TMTC4: variants seen among roughly 807,000 people sequenced by gnomAD.
The protein encoded by TMTC4 is transmembrane O-mannosyltransferase targeting cadherins 4.
A neutral mutation model predicts 86.0 loss-of-function variants in TMTC4; 65 were observed. The observed-to-expected ratio is 0.76, with a 90% CI of 0.62 to 0.93. TMTC4 has a LOEUF of 0.93. Ranked by LOEUF, TMTC4 falls within the 40% of genes least tolerant of loss-of-function variation. The pLI is 0.00. For synonymous variants in TMTC4, 379 were observed against 382.5 expected, an observed-to-expected ratio of 0.99 and a Z score of 0.11; for missense variants, 866 against 948.1, an observed-to-expected ratio of 0.91 and a Z score of 1.14.
intron 6 of TMTC4, among the ~76,000 whole-genome samples, chr13:100,648,981 G>T (rs1252860019): frequency 6.6e-6 from 1 of 152,164 alleles, no homozygotes; most frequent in Non-Finnish European, 1.5e-5. Context: ...GAGCCACTGT[G>T]CCCAGCTGCC....
At chr13:100,620,258 A>C (rs938710519) in intron 15 of TMTC4, among the ~76,000 whole-genome samples, 7 of 152,106 alleles carry the variant, frequency 4.6e-5, no homozygotes, top group African/African-American at 1.7e-4. Flanking sequence ...CAGGCACTGG[A>C]TGGTGGGGAG....
chr13:100,656,556 T>TTTTTTTTTTTTTTTTTTTTG, intron 5 of TMTC4, 88 bp from the exon 6 acceptor site: 1 of 774,268 alleles, frequency 1.3e-6, no homozygotes, highest in Non-Finnish European at 1.9e-6. Flanking sequence ...TTTTTTTTTT[T>TTTTTTTTTTTTTTTTTTTTG]TTTTGCGACA....
intron 5 of TMTC4, among the ~76,000 whole-genome samples, chr13:100,658,561 AG>A (rs1247657493): frequency 6.6e-6 from 1 of 151,908 alleles, no homozygotes; most frequent in East Asian, 1.9e-4. Flanking sequence ...TCAGAGACCA[AG>A]GGGAAGTGAG....
chr13:100,635,548 T>C (rs1012432320), intron 10 of TMTC4: 24 of 164,124 alleles, frequency 1.5e-4, no homozygotes, highest in Admixed American at 1.0e-3. Flanking sequence ...CAGTGGATAT[T>C]GTTGGTCTCA....
Position 100,610,901 on chromosome 13 carries a change from C to A in TMTC4, c.2064+1497G>T, listed in dbSNP as rs902786649. 2.6e-5 allele frequency among the ~76,000 whole-genome samples: 4 copies of A among 152,318 alleles called. No homozygotes were observed. In the South Asian group the frequency reaches 8.3e-4, roughly 32 times the overall value. Reference sequence around the variant, plus strand: ...GTCATTAGAAGGGAAACCTGTAAACCTCACCTCCTTCCCCTGCTACACAAG... The same window carrying A: ...GTCATTAGAAGGGAAACCTGTAAACATCACCTCCTTCCCCTGCTACACAAG... On this transcript the variant is annotated intron_variant, in intron 17 of 18. Transcript: ENST00000342624.
chr13:100,664,356 A>T lies in TMTC4; in HGVS notation c.220-20T>A. On this transcript the variant is annotated intron_variant, in intron 3 of 18. Coordinates refer to ENST00000342624, the MANE Select transcript of TMTC4 (RefSeq NM_032813.5). ...GAGGTCCTGCAGGGTCACAAAGGGG[A>T]TGTTCTGGACAAGGGTCTCCCATCA... 2 of 1,579,084 alleles carry T rather than the reference A, an allele frequency of 1.3e-6. No homozygotes were observed. The highest frequency in any genetic ancestry group is 2.3e-5 in the South Asian group (2 of 85,960).
chr13:100,641,598 C>A (rs549136768), intron 7 of TMTC4, among the ~76,000 whole-genome samples: 26 of 152,298 alleles, frequency 1.7e-4, no homozygotes, highest in African/African-American at 6.3e-4. Context: ...AGCGATTCAC[C>A]TGCCTCAACC....
intron 16 of TMTC4, among the ~76,000 whole-genome samples, chr13:100,613,844 C>T (rs1878035517): frequency 7.2e-6 from 1 of 138,702 alleles, no homozygotes; most frequent in South Asian, 2.7e-4. Context: ...TACCCGCCCC[C>T]CCCTTTTTTT....
At chr13:100,662,172 T>C (rs748226572) in intron 5 of TMTC4, among the ~76,000 whole-genome samples, 42 of 145,898 alleles carry the variant, frequency 2.9e-4, no homozygotes, top group Non-Finnish European at 3.3e-4. Context: ...CGTACCCTGC[T>C]GGGGAGCTGC....
chr13:100,663,842 C>A (rs1461720299), intron 4 of TMTC4, among the ~76,000 whole-genome samples: 1 of 152,178 alleles, frequency 6.6e-6, no homozygotes, highest in Non-Finnish European at 1.5e-5. Context: ...TGTTTTTAAG[C>A]AGCATATTGC....
In TMTC4 at chr13:100,670,519, ACTTTT is replaced by A. The variant is rs1886954832; in HGVS notation, c.-162_-158del. 1.6e-6 allele frequency: 1 copy of A among 631,906 alleles called. No individual in the cohort carries two copies. The highest frequency in any genetic ancestry group is 2.6e-6 in the Non-Finnish European group (1 of 390,612). 39.1% of individuals were successfully genotyped at this position (631,906 alleles called of 1,614,324 possible). A position where few individuals can be genotyped will look rare whatever the true frequency, so the allele number is the denominator to read the frequency against. ...CAAGTGCTGGGGGAATACTGCAGCT[ACTTTT>A]CTTTTCCAGTCAAAGGATAAACCAC... is the stretch of plus-strand genomic sequence containing the variant. On this transcript the variant is annotated 5_prime_UTR_variant, in exon 2 of 19. Transcript: ENST00000342624.
chr13:100,634,983 G>T, intron 11 of TMTC4, 41 bp downstream of exon 11: 1 of 1,609,490 alleles, frequency 6.2e-7, no homozygotes, highest in South Asian at 1.1e-5. Flanking sequence ...AGATGCATCC[G>T]GTCATTCTGT....
chr13:100,671,235 T>TA lies in TMTC4; in HGVS notation c.-207-667dup, dbSNP rs981315433. Among the ~76,000 whole-genome samples the TA allele has an allele frequency of 1.3e-3, 195 of 152,304 alleles. 1 individual carries two copies. Among genetic ancestry groups the TA allele is most frequent in the African/African-American group, 4.3e-3 (180 of 41,560 alleles). On this transcript the variant is annotated intron_variant, in intron 1 of 18. Transcript: ENST00000342624. ...ACTAGCTTCAACTTTTGGGCACAAG[T>TA]AACCCTCCTGCCTCGGTCTCCCAAG...
chr13:100,642,130 G>T, intron 7 of TMTC4, 81 bp downstream of exon 7: 1 of 1,457,028 alleles, frequency 6.9e-7, no homozygotes. Context: ...CGCCACAGAG[G>T]CAGGGCCAGC....
intron 3 of TMTC4, chr13:100,668,268 T>G (rs1462335133): frequency 8.7e-6 from 2 of 228,670 alleles, no homozygotes; most frequent in Middle Eastern, 1.4e-3. Flanking sequence ...TCTGGAATAC[T>G]AAGTCTGCAA....
At position 100,636,684 on chromosome 13, in the gene TMTC4, A is replaced by G; in HGVS notation, c.1050T>C (p.Cys350=). The change falls in exon 10 of 19, where the codon TGT becomes TGC. Residue 350 remains cysteine, a synonymous_variant. Coordinates refer to ENST00000342624, the MANE Select transcript of TMTC4 (RefSeq NM_032813.5). ...YYSLNAWLLL[C]PWWLCFDWSM... ...ACCAATCAAAACACAGCCACCAGGG[A>G]CACAGCAGCAGCCAGGCATTCAATG... 1 of 1,614,250 alleles carries G rather than the reference A, an allele frequency of 6.2e-7. No individual in the cohort carries two copies. The highest frequency in any genetic ancestry group is 8.5e-7 in the Non-Finnish European group (1 of 1,180,046).
chr13:100,666,979 C>G (rs1317374), intron 3 of TMTC4, among the ~76,000 whole-genome samples: 139,509 of 152,202 alleles, frequency 0.92, 65,179 homozygotes, highest in East Asian at 1. Flanking sequence ...AACAGAGTAA[C>G]ACCTTGTCCC....
At chr13:100,657,182 T>C (rs548643839) in intron 5 of TMTC4, among the ~76,000 whole-genome samples, 1 of 152,338 alleles carries the variant, frequency 6.6e-6, no homozygotes, top group South Asian at 2.1e-4. Flanking sequence ...AAGGTCATGA[T>C]ATTTAAAAAA....
chr13:100,630,353 C>T (rs547795978), intron 12 of TMTC4, among the ~76,000 whole-genome samples: 1 of 152,274 alleles, frequency 6.6e-6, no homozygotes, highest in Non-Finnish European at 1.5e-5. Flanking sequence ...AAAGGACTCA[C>T]AAGCAGAGAA....
Sources: allele counts gnomAD v4.1 joint callset (sites outside exome capture counted in the v4.1 genomes callset), GRCh38; gene constraint gnomAD v4.1.1; transcripts MANE v1.5; gene names NCBI Gene and HGNC (gene_info 2026-07-23, HGNC 2026-07-21).